Variants in C8orf34 observed in about 807,000 individuals in gnomAD.
The protein encoded by C8orf34 is chromosome 8 open reading frame 34, also known as uncharacterized protein C8orf34.
C8orf34 carries 65 observed loss-of-function variants against 68.3 expected under a neutral mutation model. The observed-to-expected ratio is 0.95, with a 90% confidence interval of 0.78 to 1.17. The LOEUF (loss-of-function observed/expected upper bound fraction) is 1.17, where lower values mean the gene tolerates loss of function less well. Ranked by LOEUF, C8orf34 falls within the 50% of genes most tolerant of loss-of-function variation. C8orf34 has a pLI of 0.00. For synonymous variants in C8orf34, 244 were observed against 241.2 expected (o/e 1.01, Z -0.11); for missense variants, 664 against 655.4 (o/e 1.01, Z -0.14).
intron 3 of C8orf34, among the ~76,000 whole-genome samples, chr8:68,460,147 C>G (rs566820324): frequency 2.6e-5 from 4 of 152,318 alleles, no homozygotes; most frequent in East Asian, 3.9e-4. Flanking sequence ...TATCCTGCAC[C>G]TGGCTCGGAG....
intron 8 of C8orf34, among the ~76,000 whole-genome samples, chr8:68,674,893 C>T (rs1820133146): frequency 6.6e-6 from 1 of 151,688 alleles, no homozygotes; most frequent in African/African-American, 2.4e-5. Flanking sequence ...AAGAAAGGAT[C>T]CCAAAAGCAG....
chr8:68,672,292 C>T lies in C8orf34; in HGVS notation c.1241+31781C>T, dbSNP rs191791264. 5.9e-4 allele frequency among the ~76,000 whole-genome samples: 90 copies of T among 152,254 alleles called. No individual in the cohort carries two copies. The East Asian group carries it at 0.015, about 26-fold the overall frequency. On this transcript the variant is annotated intron_variant, in intron 8 of 13. Coordinates refer to ENST00000518698, the MANE Select transcript of C8orf34 (RefSeq NM_052958.4). ...CTATCCACACACAAAAGAACACCTT[C>T]ATGAGAACTAAAAATCAGGTGAGCA... is the stretch of plus-strand genomic sequence containing the variant.
chr8:68,551,715 G>A (rs1310164026), intron 7 of C8orf34, among the ~76,000 whole-genome samples: 1 of 152,012 alleles, frequency 6.6e-6, no homozygotes, highest in East Asian at 1.9e-4. Context: ...TCTCATGATT[G>A]CATCTCTGTC....
At chr8:68,758,967 A>G (rs1256788293) in intron 10 of C8orf34, among the ~76,000 whole-genome samples, 1 of 152,152 alleles carries the variant, frequency 6.6e-6, no homozygotes, top group Admixed American at 6.5e-5. Flanking sequence ...TCTTACAATT[A>G]TGATAAAGAT....
At chr8:68,604,897 T>C (rs1232215263) in intron 7 of C8orf34, among the ~76,000 whole-genome samples, 4 of 152,116 alleles carry the variant, frequency 2.6e-5, no homozygotes, top group African/African-American at 9.7e-5. Context: ...CAAAAGGCAT[T>C]GTCAAGAGAA....
rs370160947 is a variant in C8orf34, at chr8:68,783,594, A to G, written c.1456-3849A>G. Among the ~76,000 whole-genome samples the G allele has an allele frequency of 2.6e-5, 4 of 151,998 alleles. No individual in the cohort carries two copies. In the East Asian group the frequency reaches 7.7e-4, roughly 29 times the overall value. On this transcript the variant is annotated intron_variant, in intron 11 of 13. Coordinates refer to ENST00000518698, the MANE Select transcript of C8orf34 (RefSeq NM_052958.4). ...TTTGGAAAGCCTTATCAGAAACTCA[A>G]AAGAATGCAACCTTTTGTCTCTCAC...
chr8:68,393,319 A>C (rs1808550648), intron 1 of C8orf34, among the ~76,000 whole-genome samples: 1 of 152,184 alleles, frequency 6.6e-6, no homozygotes, highest in African/African-American at 2.4e-5. Context: ...TTCTTGGCAG[A>C]GTTGTTCACT....
At chr8:68,447,852 T>C (rs1458662274) in intron 3 of C8orf34, 1 of 152,174 alleles carries the variant, frequency 6.6e-6, no homozygotes, top group African/African-American at 2.4e-5. Context: ...CTTCATCAGT[T>C]TGGTATATAG....
intron 10 of C8orf34, among the ~76,000 whole-genome samples, chr8:68,756,174 T>C (rs972994560): frequency 6.6e-6 from 1 of 152,122 alleles, no homozygotes; most frequent in Non-Finnish European, 1.5e-5. Context: ...TTATGTCTGA[T>C]GGCCCCTGTG....
chr8:68,441,784 T>C (rs780256575), intron 2 of C8orf34, among the ~76,000 whole-genome samples: 4 of 152,334 alleles, frequency 2.6e-5, no homozygotes, highest in Non-Finnish European at 4.4e-5. Flanking sequence ...TATATTCTAC[T>C]GTTTCAAAGC....
chr8:68,666,866 A>G (rs1342233885), intron 8 of C8orf34, among the ~76,000 whole-genome samples: 4 of 152,222 alleles, frequency 2.6e-5, no homozygotes, highest in African/African-American at 9.6e-5. Flanking sequence ...TTTGATCAGC[A>G]AAGTGCTATT....
chr8:68,769,125 T>C (rs186997446), intron 10 of C8orf34, among the ~76,000 whole-genome samples: 206 of 151,704 alleles, frequency 1.4e-3, no homozygotes, highest in African/African-American at 4.7e-3. Context: ...TGTAATTTCT[T>C]TTTTTTTAAT....
rs533708799 is a variant in C8orf34 at position 68,642,506 on chromosome 8, A to C, written c.1241+1995A>C. Reference sequence around the variant, plus strand: ...CTACCACTGTTTTATGCATACTAGGAAAACTCATGAAACACCTGGGTCAGA... The same window carrying C: ...CTACCACTGTTTTATGCATACTAGGCAAACTCATGAAACACCTGGGTCAGA... On this transcript the variant is annotated intron_variant, in intron 8 of 13. Transcript: ENST00000518698. 2.0e-5 allele frequency among the ~76,000 whole-genome samples: 3 copies of C among 152,302 alleles called. No individual in the cohort carries two copies. In the East Asian group the frequency reaches 5.8e-4, roughly 29 times the overall value.
At position 68,818,254 on chromosome 8, in the gene C8orf34, A is replaced by G. The variant is rs1192092841; in HGVS notation, c.*8A>G. 1 of 1,612,332 alleles carries G rather than the reference A, an allele frequency of 6.2e-7. No individual in the cohort carries two copies. Among genetic ancestry groups the G allele is most frequent in the Non-Finnish European group, 8.5e-7 (1 of 1,179,060 alleles). On this transcript the variant is annotated 3_prime_UTR_variant, in exon 14 of 14. Transcript: ENST00000518698. ...TCCTCTGCAGGTTTGTGAAACAGAG[A>G]GAAGAAGTTGCAAGTGGTCCTTAAA...
chr8:68,332,171 A>G (rs1224002704), intron 1 of C8orf34, among the ~76,000 whole-genome samples: 1 of 151,778 alleles, frequency 6.6e-6, no homozygotes, highest in Non-Finnish European at 1.5e-5. Context: ...CGAGAAAATG[A>G]GAACAAGAGA....
chr8:68,341,265 A>G (rs1806058496), intron 1 of C8orf34, among the ~76,000 whole-genome samples: 1 of 152,136 alleles, frequency 6.6e-6, no homozygotes, highest in African/African-American at 2.4e-5. Flanking sequence ...CCCGTTCATG[A>G]GGGTTGTCAA....
intron 1 of C8orf34, among the ~76,000 whole-genome samples, chr8:68,355,393 G>A (rs1585973503): frequency 6.6e-6 from 1 of 152,074 alleles, no homozygotes. Flanking sequence ...TGTTAACATT[G>A]GAGTCTTCAT....
intron 7 of C8orf34, among the ~76,000 whole-genome samples, chr8:68,555,915 C>A (rs1816236286): frequency 6.6e-6 from 1 of 152,080 alleles, no homozygotes; most frequent in African/African-American, 2.4e-5. Flanking sequence ...CTATGAATAT[C>A]CCTGTCCTAT....
chr8:68,525,406 C>A (rs1043504308), intron 6 of C8orf34: 2 of 377,312 alleles, frequency 5.3e-6, no homozygotes, highest in Admixed American at 8.7e-5. Flanking sequence ...AAAAATTATA[C>A]CTCATAACTT....
Sources: allele counts gnomAD v4.1 joint callset (sites outside exome capture counted in the v4.1 genomes callset), GRCh38; gene constraint gnomAD v4.1.1; transcripts MANE v1.5; gene names NCBI Gene and HGNC (gene_info 2026-07-23, HGNC 2026-07-21).